Variants in NDRG2 observed in about 807,000 individuals in gnomAD.
NDRG2 encodes NDRG family member 2.
Under a neutral mutation model 58.2 loss-of-function variants are expected in NDRG2, and 34 were observed. That is an observed-to-expected ratio of 0.58 (90% CI 0.44 to 0.78). The LOEUF (loss-of-function observed/expected upper bound fraction) is 0.78. NDRG2 is among the 30% of genes least tolerant of loss of function. NDRG2 has a pLI of 0.00. For synonymous variants in NDRG2, 187 were observed against 175.9 expected (o/e 1.06, Z -0.50); for missense variants, 434 against 471.2 (o/e 0.92, Z 0.73).
chr14:21,050,943 A>C (rs1346186127), intron 1 of NDRG2, among the ~76,000 whole-genome samples: 1 of 152,216 alleles, frequency 6.6e-6, no homozygotes, highest in African/African-American at 2.4e-5. Context: ...TACGTTTTAA[A>C]TTATTTCAAA....
chr14:21,054,176 T>C (rs1306887726), intron 1 of NDRG2, among the ~76,000 whole-genome samples: 2 of 152,184 alleles, frequency 1.3e-5, no homozygotes, highest in African/African-American at 4.8e-5. Flanking sequence ...AGTGGCTCTG[T>C]CACTCACTCC....
intron 1 of NDRG2, among the ~76,000 whole-genome samples, chr14:21,046,551 A>ATACC (rs1555333019): frequency 3.0e-4 from 43 of 141,940 alleles, no homozygotes; most frequent in Admixed American, 9.6e-4. Context: ...AAATACATAC[A>ATACC]TACATACATA....
Position 21,023,321 on chromosome 14 carries a change from C to G in NDRG2, c.-6G>C. On this transcript the variant is annotated splice_region_variant and 5_prime_UTR_variant, in exon 2 of 16. Transcript: ENST00000556147. ...ACCTCCTGCAGCTCCGCCATGGTGG[C>G]CTGGCAGGATGAGGAAATGAGACTG... The G allele has an allele frequency of 6.2e-7, 1 of 1,612,714 alleles. No homozygotes were observed. The highest frequency in any genetic ancestry group is 8.5e-7 in the Non-Finnish European group (1 of 1,179,386).
chr14:21,034,136 A>G, intron 1 of NDRG2: 2 of 1,614,200 alleles, frequency 1.2e-6, no homozygotes, highest in South Asian at 1.1e-5. Flanking sequence ...GACCATTACA[A>G]TAGCCCCGGA....
chr14:21,063,102 G>A (rs1303415955), intron 1 of NDRG2, among the ~76,000 whole-genome samples: 1 of 152,040 alleles, frequency 6.6e-6, no homozygotes, highest in Non-Finnish European at 1.5e-5. Flanking sequence ...TGTACTCCAG[G>A]CTGGGCAACG....
rs958989664 is a variant in NDRG2 at position 21,070,115 on chromosome 14, G to T, written c.24+713C>A. Among the ~76,000 whole-genome samples the T allele has an allele frequency of 6.6e-6, 1 of 151,758 alleles. No homozygotes were observed. The highest frequency in any genetic ancestry group is 1.5e-5 in the Non-Finnish European group (1 of 67,908). On this transcript the variant is annotated intron_variant, in intron 1 of 14. Coordinates refer to the NDRG2 transcript ENST00000403829. This position sits in a 1 kb window ranked among gnomAD's most constrained non-coding sequence, Gnocchi z 4.7. ...TGAACGGGACGGATAGGCTGGGGAC[G>T]CCCGGGGAACGGCAGAGATCTCGGC...
At chr14:21,031,021 C>G in intron 1 of NDRG2, 1 of 1,608,264 alleles carries the variant, frequency 6.2e-7, no homozygotes, top group Non-Finnish European at 8.5e-7. Flanking sequence ...GGGCCAAGAA[C>G]GCCCGAACCA....
chr14:21,043,135 C>T, intron 1 of NDRG2: 2 of 1,614,178 alleles, frequency 1.2e-6, no homozygotes, highest in Non-Finnish European at 1.7e-6. Context: ...CAGCCCAGCC[C>T]TCAAGCATGC....
At chr14:21,052,449 T>C (rs986612692) in intron 1 of NDRG2, among the ~76,000 whole-genome samples, 2 of 152,246 alleles carry the variant, frequency 1.3e-5, no homozygotes, top group African/African-American at 4.8e-5. Flanking sequence ...CAAACTCATA[T>C]GGTCAAGATG....
intron 1 of NDRG2, chr14:21,034,112 C>A: frequency 6.2e-7 from 1 of 1,614,220 alleles, no homozygotes; most frequent in African/African-American, 1.3e-5. Flanking sequence ...TCTTGCCTCG[C>A]ATATAGGACA....
Position 21,033,976 on chromosome 14 carries a change from C to G in NDRG2, c.25-10655G>C, listed in dbSNP as rs1448238302. On this transcript the variant is annotated intron_variant, in intron 1 of 14. Coordinates refer to the NDRG2 transcript ENST00000403829. Reference sequence around the variant, plus strand: ...GAGCAGACCGTGATGGGGAGGGAATCCTGGGTGAGTGTGCAGTATTCATTG... The same window carrying G: ...GAGCAGACCGTGATGGGGAGGGAATGCTGGGTGAGTGTGCAGTATTCATTG... The G allele has an allele frequency of 3.7e-6, 6 of 1,613,874 alleles. No homozygotes were observed. In the African/African-American group the frequency reaches 8.0e-5, roughly 22 times the overall value.
In NDRG2 at chr14:21,024,523, G is replaced by T. The variant is rs369464939; in HGVS notation, c.-500C>A. Reference sequence around the variant, plus strand: ...ACAGCTCTCCAGTAAGAGGAGGGTAGCAGAGCATGGCTGTTTCCCTCCACA... The same window carrying T: ...ACAGCTCTCCAGTAAGAGGAGGGTATCAGAGCATGGCTGTTTCCCTCCACA... On this transcript the variant is annotated 5_prime_UTR_variant, in exon 1 of 16. An upstream open reading frame in the 5' UTR gains an earlier in-frame stop. Coordinates refer to ENST00000556147, the MANE Select transcript of NDRG2 (RefSeq NM_001320329.2). The T allele has an allele frequency of 3.0e-6, 3 of 985,254 alleles. No homozygotes were observed. The highest frequency in any genetic ancestry group is 1.1e-4 in the East Asian group (1 of 8,816). 61.0% of individuals were successfully genotyped at this position (985,254 alleles called of 1,614,324 possible).
At chr14:21,031,146 C>T (rs375716775) in intron 1 of NDRG2, 25 of 1,613,728 alleles carry the variant, frequency 1.5e-5, no homozygotes, top group African/African-American at 9.4e-5. Context: ...GGCAAAGACC[C>T]AGCCACCACT....
At chr14:21,056,322 A>T (rs922905578) in intron 1 of NDRG2, among the ~76,000 whole-genome samples, 1 of 152,186 alleles carries the variant, frequency 6.6e-6, no homozygotes. Context: ...AATACGCTAA[A>T]TATATATTTA....
intron 1 of NDRG2, chr14:21,030,934 T>C: frequency 6.5e-7 from 1 of 1,545,604 alleles, no homozygotes; most frequent in South Asian, 1.3e-5. Context: ...AGGCCAAATC[T>C]GAGTGAGGCA....
chr14:21,064,864 A>C (rs532194531), intron 1 of NDRG2, among the ~76,000 whole-genome samples: 1 of 152,294 alleles, frequency 6.6e-6, no homozygotes, highest in South Asian at 2.1e-4. Context: ...ATGATGGTCC[A>C]CATCTGTCTT....
At chr14:21,058,020 T>TGCA in intron 1 of NDRG2, 1 of 1,614,076 alleles carries the variant, frequency 6.2e-7, no homozygotes, top group Non-Finnish European at 8.5e-7. Flanking sequence ...ACTCAGCATG[T>TGCA]GCAGCCCAGC....
chr14:21,029,901 C>G (rs1883945119), upstream of NDRG2, among the ~76,000 whole-genome samples: 1 of 152,150 alleles, frequency 6.6e-6, no homozygotes, highest in South Asian at 2.1e-4. Context: ...GTTTATAAGC[C>G]ACCCAGTTTG....
chr14:21,020,738 T>A (rs755799963), intron 7 of NDRG2, 46 bp downstream of exon 7: 5 of 1,610,886 alleles, frequency 3.1e-6, no homozygotes, highest in Non-Finnish European at 4.2e-6. Context: ...ATTCTCCTAA[T>A]CAGTCTGGAC....
Sources: gnomAD v4.1 joint callset for allele counts (sites outside exome capture counted in the v4.1 genomes callset) on GRCh38, gnomAD v4.1.1 for gene constraint, Gnocchi (gnomAD v3.1) non-coding constraint, MANE v1.5 for transcripts, NCBI Gene and HGNC (gene_info 2026-07-23, HGNC 2026-07-21) for gene names.